Variants in GABRB2 observed in about 807,000 individuals in gnomAD.
GABRB2 encodes the protein gamma-aminobutyric acid type A receptor subunit beta2, also known as gamma-aminobutyric acid receptor subunit beta-2.
In GABRB2, 16 loss-of-function variants were observed where a neutral mutation model predicts 54.7. That is an observed-to-expected ratio of 0.29 (90% CI 0.20 to 0.44). GABRB2 has a LOEUF of 0.44. Among genes scored for constraint, GABRB2 ranks in the 20% least tolerant of loss-of-function variants. The pLI, the probability that GABRB2 is intolerant of heterozygous loss-of-function variation, is 1.00. For synonymous variants in GABRB2, 244 were observed against 233.8 expected, an observed-to-expected ratio of 1.04 and a Z score of -0.40; for missense variants, 355 against 644.0, an observed-to-expected ratio of 0.55 and a Z score of 4.86.
At chr5:161,514,423 A>G (rs1027459540) in intron 3 of GABRB2, among the ~76,000 whole-genome samples, 3 of 152,176 alleles carry the variant, frequency 2.0e-5, no homozygotes, top group Admixed American at 6.6e-5. Flanking sequence ...GCACTAGAAT[A>G]AGCATCATAA....
chr5:161,371,590 A>G (rs965881384), intron 5 of GABRB2, among the ~76,000 whole-genome samples: 1 of 152,224 alleles, frequency 6.6e-6, no homozygotes, highest in African/African-American at 2.4e-5. Flanking sequence ...ATCAGGTAAT[A>G]CATTTTCTAT....
At chr5:161,385,173 A>G (rs1389287684) in intron 5 of GABRB2, among the ~76,000 whole-genome samples, 1 of 152,096 alleles carries the variant, frequency 6.6e-6, no homozygotes, top group Non-Finnish European at 1.5e-5. Context: ...CCATCACAAG[A>G]GCTGGGATGA....
rs117705328 is a variant in GABRB2 at position 161,526,925 on chromosome 5, G to A, written c.237+18302C>T. 1.9e-3 allele frequency among the ~76,000 whole-genome samples: 288 copies of A among 151,416 alleles called. 5 individuals are homozygous for A. The East Asian group carries it at 0.049, about 26-fold the overall frequency. ...TCCTTCAATAGAAAGAACCAATCCC[G>A]TTGAGAAGTAAATTTCCTTCTGTAT... is the stretch of plus-strand genomic sequence containing the variant. On this transcript the variant is annotated intron_variant, in intron 3 of 9. Transcript: ENST00000393959.
intron 5 of GABRB2, among the ~76,000 whole-genome samples, chr5:161,385,120 C>T (rs1755584685): frequency 6.6e-6 from 1 of 152,124 alleles, no homozygotes; most frequent in African/African-American, 2.4e-5. Flanking sequence ...CCAGAAAGTG[C>T]CGGGTCTCTG....
chr5:161,333,859 T>C (rs887778175), intron 7 of GABRB2, among the ~76,000 whole-genome samples: 2 of 152,232 alleles, frequency 1.3e-5, no homozygotes, highest in Non-Finnish European at 2.9e-5. Flanking sequence ...ACTGAACTTC[T>C]AGCAAACCCA....
At chr5:161,318,632 A>C (rs562874615) in intron 9 of GABRB2, among the ~76,000 whole-genome samples, 2 of 152,126 alleles carry the variant, frequency 1.3e-5, no homozygotes, top group Non-Finnish European at 2.9e-5. Flanking sequence ...CTTCCAGTAC[A>C]AAAATTCTTC....
At chr5:161,501,248 G>T (rs544538323) in intron 3 of GABRB2, among the ~76,000 whole-genome samples, 92 of 151,962 alleles carry the variant, frequency 6.1e-4, no homozygotes, top group Non-Finnish European at 1.1e-3. Flanking sequence ...CCTTCTAAAA[G>T]AAGTCTGAAC....
intron 3 of GABRB2, among the ~76,000 whole-genome samples, chr5:161,515,959 T>C (rs2113416496): frequency 6.6e-6 from 1 of 152,294 alleles, no homozygotes; most frequent in Non-Finnish European, 1.5e-5. Context: ...CCAGATTCCA[T>C]GGCAGCTTTT....
chr5:161,395,388 A>G (rs2962398), intron 5 of GABRB2, among the ~76,000 whole-genome samples: 84,718 of 151,926 alleles, frequency 0.56, 25,436 homozygotes, highest in South Asian at 0.67. Flanking sequence ...TTCCTTATTC[A>G]TCCAACTATT....
Position 161,545,215 on chromosome 5 carries a change from G to A in GABRB2, c.237+12C>T, listed in dbSNP as rs371694224. 37 of 1,588,368 alleles carry A rather than the reference G, an allele frequency of 2.3e-5. No individual in the cohort carries two copies. The African/African-American group carries it at 2.9e-4, about 12-fold the overall frequency. On this transcript the variant is annotated intron_variant, in intron 3 of 9. Transcript: ENST00000393959. ...AGTTTGCAAAGAAGTAGTCATAAAT[G>A]TCAATACTCACCATATTGACTTCAG...
chr5:161,477,413 T>TAA (rs1349566225), intron 3 of GABRB2, among the ~76,000 whole-genome samples: 1 of 151,026 alleles, frequency 6.6e-6, no homozygotes, highest in Non-Finnish European at 1.5e-5. Context: ...CCTAAAAACA[T>TAA]AAAAATAGAA....
intron 3 of GABRB2, among the ~76,000 whole-genome samples, chr5:161,538,200 A>T (rs997463215): frequency 1.3e-5 from 2 of 152,126 alleles, no homozygotes; most frequent in African/African-American, 4.8e-5. Context: ...ATAGAAGTGA[A>T]TTTTTCACTC....
chr5:161,500,318 CT>C (rs199735249), intron 3 of GABRB2, among the ~76,000 whole-genome samples: 1 of 151,786 alleles, frequency 6.6e-6, no homozygotes, highest in African/African-American at 2.4e-5. Flanking sequence ...TCATTCTTTG[CT>C]TTTTTTTCCA....
intron 3 of GABRB2, among the ~76,000 whole-genome samples, chr5:161,479,684 G>T (rs1205251743): frequency 6.7e-6 from 1 of 149,786 alleles, no homozygotes; most frequent in Non-Finnish European, 1.5e-5. Context: ...CCGCCTCCCA[G>T]TTTCAAGCAA....
intron 5 of GABRB2, among the ~76,000 whole-genome samples, chr5:161,370,306 T>C (rs1010589929): frequency 6.6e-5 from 10 of 152,192 alleles, no homozygotes; most frequent in African/African-American, 2.4e-4. Flanking sequence ...AAGCAGTAGG[T>C]AAGCTTAGCT....
At chr5:161,505,109 CTTTTTTTTTT>C (rs34388314) in intron 3 of GABRB2, among the ~76,000 whole-genome samples, 1 of 135,562 alleles carries the variant, frequency 7.4e-6, no homozygotes, top group Non-Finnish European at 1.6e-5. Flanking sequence ...TTTTCCTTTT[CTTTTTTTTTT>C]TTTTTGTTTG....
chr5:161,355,193 T>A (rs1754577809), intron 5 of GABRB2, among the ~76,000 whole-genome samples: 1 of 151,562 alleles, frequency 6.6e-6, no homozygotes, highest in Non-Finnish European at 1.5e-5. Flanking sequence ...TATTCTCTAC[T>A]AATTAATTCC....
At chr5:161,471,303 C>T (rs1318076401) in intron 3 of GABRB2, among the ~76,000 whole-genome samples, 1 of 152,030 alleles carries the variant, frequency 6.6e-6, no homozygotes, top group Non-Finnish European at 1.5e-5. Flanking sequence ...TCTGAGCCAA[C>T]AAATTGCAGA....
chr5:161,450,159 T>C (rs1355989306), intron 4 of GABRB2, among the ~76,000 whole-genome samples: 1 of 151,926 alleles, frequency 6.6e-6, no homozygotes, highest in Non-Finnish European at 1.5e-5. Flanking sequence ...ACCTCTGGAG[T>C]CTCCAGCCAT....
Sources: gnomAD v4.1 joint callset for allele counts (sites outside exome capture counted in the v4.1 genomes callset) on GRCh38, gnomAD v4.1.1 for gene constraint, MANE v1.5 for transcripts, NCBI Gene and HGNC (gene_info 2026-07-23, HGNC 2026-07-21) for gene names.